The following PDE1C variants were observed in gnomAD, a reference collection of about 807,000 sequenced individuals.
The protein encoded by PDE1C is dual specificity calcium/calmodulin-dependent 3',5'-cyclic nucleotide phosphodiesterase 1C.
In PDE1C, 62 loss-of-function variants were observed where a neutral mutation model predicts 93.1. The observed-to-expected ratio is 0.67, with a 90% CI of 0.54 to 0.82. The LOEUF (loss-of-function observed/expected upper bound fraction) is 0.82, where lower values mean the gene tolerates loss of function less well. PDE1C is among the 40% of genes least tolerant of loss of function. The pLI is 0.00. For synonymous variants in PDE1C, 325 were observed against 310.1 expected (o/e 1.05, Z -0.50); for missense variants, 742 against 884.6 (o/e 0.84, Z 2.04).
chr7:32,100,736 AT>A (rs1421648942), intron 3 of PDE1C, among the ~76,000 whole-genome samples: 2 of 152,214 alleles, frequency 1.3e-5, no homozygotes, highest in African/African-American at 4.8e-5. Flanking sequence ...ACACACAGAT[AT>A]GTACACACCT....
chr7:31,952,027 C>T (rs1807444601), intron 2 of PDE1C, among the ~76,000 whole-genome samples: 2 of 152,206 alleles, frequency 1.3e-5, no homozygotes, highest in South Asian at 2.1e-4. Flanking sequence ...ACTTTCCTTA[C>T]ATTACTTCAT....
intron 1 of PDE1C, among the ~76,000 whole-genome samples, chr7:32,362,041 G>C (rs982923107): frequency 6.6e-6 from 1 of 152,166 alleles, no homozygotes; most frequent in African/African-American, 2.4e-5. Context: ...GCAACAGAGT[G>C]AGTGCTACAA....
At chr7:31,680,684 A>G in the PDE1C span, among the ~76,000 whole-genome samples, 1 of 148,540 alleles carries the variant, frequency 6.7e-6, no homozygotes, top group East Asian at 2.0e-4. Flanking sequence ...CAGTGTGACT[A>G]TGGCCCCTTT....
intron 3 of PDE1C, among the ~76,000 whole-genome samples, chr7:32,134,541 G>T (rs561918914): frequency 1.6e-4 from 25 of 152,130 alleles, no homozygotes; most frequent in African/African-American, 5.3e-4. Context: ...AGAAGAATGG[G>T]ATGATCACAC....
At chr7:31,724,190 G>T in the PDE1C span, among the ~76,000 whole-genome samples, 15 of 152,120 alleles carry the variant, frequency 9.9e-5, no homozygotes, top group African/African-American at 3.6e-4. Flanking sequence ...GCTGATTAAG[G>T]TAAGGCAAGT....
chr7:31,760,931 T>C (rs1794795326), intron 17 of PDE1C, among the ~76,000 whole-genome samples: 1 of 152,168 alleles, frequency 6.6e-6, no homozygotes, highest in Non-Finnish European at 1.5e-5. Flanking sequence ...AAAGCCCTTA[T>C]CAAAATGCAC....
At chr7:32,087,355 T>G (rs368679323) in intron 3 of PDE1C, among the ~76,000 whole-genome samples, 44 of 151,916 alleles carry the variant, frequency 2.9e-4, no homozygotes, top group East Asian at 1.2e-3. Flanking sequence ...GAAACAACAG[T>G]TGCTGGAGAG....
chr7:31,787,311 C>T (rs1470658432), intron 16 of PDE1C: 1 of 152,126 alleles, frequency 6.6e-6, no homozygotes, highest in East Asian at 1.9e-4. Context: ...TAGTTTATAA[C>T]AGCTCCAAAA....
intron 16 of PDE1C, among the ~76,000 whole-genome samples, chr7:31,802,196 T>G (rs1324016499): frequency 6.6e-6 from 1 of 151,538 alleles, no homozygotes; most frequent in Admixed American, 6.6e-5. Context: ...TGATTTCATT[T>G]TATCTGTTGC....
At chr7:31,886,088 G>A (rs1249422445) in intron 2 of PDE1C, among the ~76,000 whole-genome samples, 6 of 152,190 alleles carry the variant, frequency 3.9e-5, no homozygotes, top group Admixed American at 6.5e-5. Flanking sequence ...GGATATGAGA[G>A]AGAACTGGAT....
chr7:31,890,214 T>G (rs1798459168), intron 2 of PDE1C, among the ~76,000 whole-genome samples: 1 of 152,212 alleles, frequency 6.6e-6, no homozygotes, highest in South Asian at 2.1e-4. Flanking sequence ...GGGAAGCAGT[T>G]AAGATCCTGA....
At chr7:31,835,439 G>T (rs12701144) in intron 11 of PDE1C, among the ~76,000 whole-genome samples, 2 of 151,734 alleles carry the variant, frequency 1.3e-5, no homozygotes, top group Admixed American at 6.6e-5. Context: ...CTCTGAGAGG[G>T]TGAGCAATGA....
At chr7:32,230,379 G>A (rs769864235) in intron 1 of PDE1C, among the ~76,000 whole-genome samples, 12 of 152,140 alleles carry the variant, frequency 7.9e-5, no homozygotes, top group East Asian at 5.8e-4. Context: ...AAGAATGCCC[G>A]TTCAGCCCCT....
intron 2 of PDE1C, among the ~76,000 whole-genome samples, chr7:31,913,054 A>C (rs922593662): frequency 3.9e-5 from 6 of 152,182 alleles, no homozygotes; most frequent in African/African-American, 1.4e-4. Context: ...TAGAGCTCAG[A>C]AACAGATGTC....
At chr7:31,837,353 G>T in intron 10 of PDE1C, 53 bp from the exon 11 acceptor site, 7 of 1,470,948 alleles carry the variant, frequency 4.8e-6, no homozygotes, top group Non-Finnish European at 6.4e-6. Flanking sequence ...CAGAACCTCA[G>T]TAAGAGTTTT....
intron 2 of PDE1C, among the ~76,000 whole-genome samples, chr7:31,975,637 A>G (rs1485260817): frequency 6.6e-6 from 1 of 152,212 alleles, no homozygotes; most frequent in East Asian, 1.9e-4. Context: ...CAGAGAATTT[A>G]AAGCCTGCTC....
chr7:32,402,649 A>G (rs901282853), intron 1 of PDE1C, among the ~76,000 whole-genome samples: 1 of 152,208 alleles, frequency 6.6e-6, no homozygotes, highest in African/African-American at 2.4e-5. Flanking sequence ...ATAATGTTTT[A>G]CCAGCCATTT....
the PDE1C span, chr7:31,655,819 C>G: frequency 3.0e-6 from 3 of 985,548 alleles, no homozygotes; most frequent in Non-Finnish European, 3.6e-6. Context: ...ATGTAGACTC[C>G]GAGCTCTCCT....
chr7:32,274,755 T>C (rs978889332), intron 1 of PDE1C, among the ~76,000 whole-genome samples: 3 of 152,198 alleles, frequency 2.0e-5, no homozygotes, highest in Non-Finnish European at 2.9e-5. Context: ...AATCTCAGGA[T>C]ACTTTTCAAA....
Sources: allele counts gnomAD v4.1 joint callset (sites outside exome capture counted in the v4.1 genomes callset), GRCh38; gene constraint gnomAD v4.1.1; transcripts MANE v1.5; gene names NCBI Gene and HGNC (gene_info 2026-07-23, HGNC 2026-07-21).